The following UHRF2 variants were observed in gnomAD, a reference collection of about 807,000 sequenced individuals.
UHRF2 encodes ubiquitin like with PHD and ring finger domains 2, also known as E3 ubiquitin-protein ligase UHRF2.
In UHRF2, 23 loss-of-function variants were observed where a neutral mutation model predicts 96.8. The ratio of observed to expected loss-of-function variants is 0.24; its 90% CI spans 0.17 to 0.34. The LOEUF (loss-of-function observed/expected upper bound fraction) is 0.34. UHRF2 is among the 10% of genes least tolerant of loss of function. UHRF2 has a pLI of 1.00. For missense variants in UHRF2, 685 were observed against 981.5 expected, an observed-to-expected ratio of 0.70 and a Z score of 4.04; for synonymous variants, 385 against 332.6, an observed-to-expected ratio of 1.16 and a Z score of -1.72.
intron 3 of UHRF2, among the ~76,000 whole-genome samples, chr9:6,437,251 T>C (rs1366473316): frequency 1.3e-5 from 2 of 152,226 alleles, no homozygotes; most frequent in Non-Finnish European, 2.9e-5. Context: ...TATTATTTTT[T>C]AGACAGAGTC....
intron 1 of UHRF2, among the ~76,000 whole-genome samples, chr9:6,420,060 C>CT (rs915008947): frequency 7.0e-4 from 102 of 145,254 alleles, no homozygotes; most frequent in Non-Finnish European, 8.1e-4. Flanking sequence ...CCCCCGCCAC[C>CT]TTTTTTTTTT....
At chr9:6,485,155 T>G (rs1824193159) in intron 8 of UHRF2, among the ~76,000 whole-genome samples, 1 of 152,222 alleles carries the variant, frequency 6.6e-6, no homozygotes, top group Admixed American at 6.5e-5. Context: ...TTCTCTTATC[T>G]TTGCAATAGT....
intron 10 of UHRF2, 24 bp downstream of exon 10, chr9:6,493,956 A>C: frequency 6.3e-7 from 1 of 1,594,400 alleles, no homozygotes; most frequent in Non-Finnish European, 8.6e-7. Flanking sequence ...CACTGTTTAG[A>C]ATTTGAACAT....
intron 3 of UHRF2, among the ~76,000 whole-genome samples, chr9:6,449,892 ACT>A (rs553988594): frequency 4.1e-4 from 63 of 151,904 alleles, no homozygotes; most frequent in African/African-American, 1.5e-3. Flanking sequence ...GCCCTGTGTG[ACT>A]CTACTAGGAG....
chr9:6,492,492 T>C (rs1177650463), intron 9 of UHRF2: 1 of 401,956 alleles, frequency 2.5e-6, no homozygotes, highest in Non-Finnish European at 3.4e-6. Context: ...GACCTTAATA[T>C]TGGATTAACA....
At chr9:6,500,015 C>T in intron 13 of UHRF2, 84 bp downstream of exon 13, 3 of 1,094,184 alleles carry the variant, frequency 2.7e-6, no homozygotes, top group Admixed American at 2.1e-5. Context: ...TCTTGTCACC[C>T]AGGCTGGAGT....
intron 3 of UHRF2, among the ~76,000 whole-genome samples, chr9:6,445,315 G>C (rs953902021): frequency 6.6e-6 from 1 of 152,004 alleles, no homozygotes; most frequent in Non-Finnish European, 1.5e-5. Context: ...CCAGGCTGGA[G>C]TGCAGTGGTA....
rs116586279 is a variant in UHRF2 at position 6,460,281 on chromosome 9, C to T, written c.645-292C>T. Among the ~76,000 whole-genome samples, 1,239 of 152,226 alleles carry T rather than the reference C, an allele frequency of 8.1e-3. 18 individuals carry two copies. Among genetic ancestry groups the T allele is most frequent in the African/African-American group, 0.028 (1,166 of 41,514 alleles). ...AGTAGATGATTGTGGTTCTTGAATG[C>T]GGGCTGAACACTTACTTGCCTGACA... On this transcript the variant is annotated intron_variant, in intron 3 of 15. Coordinates refer to ENST00000276893, the MANE Select transcript of UHRF2 (RefSeq NM_152896.3).
chr9:6,438,236 G>C (rs1461223980), intron 3 of UHRF2, among the ~76,000 whole-genome samples: 4 of 152,200 alleles, frequency 2.6e-5, no homozygotes, highest in African/African-American at 9.7e-5. Flanking sequence ...TGAAGATGGA[G>C]AATGGTCTGC....
chr9:6,454,302 A>G (rs559095194), intron 3 of UHRF2, among the ~76,000 whole-genome samples: 7 of 152,368 alleles, frequency 4.6e-5, no homozygotes, highest in East Asian at 1.9e-4. Flanking sequence ...TGATACAAGG[A>G]TCCAAAACCT....
At chr9:6,418,227 C>G (rs1298485290) in intron 1 of UHRF2, among the ~76,000 whole-genome samples, 1 of 148,608 alleles carries the variant, frequency 6.7e-6, no homozygotes, top group Non-Finnish European at 1.5e-5. Context: ...GGTTTTTTTC[C>G]CTCCACGGGA....
chr9:6,502,079 A>G (rs1287665831), intron 14 of UHRF2, among the ~76,000 whole-genome samples: 1 of 152,224 alleles, frequency 6.6e-6, no homozygotes, highest in Non-Finnish European at 1.5e-5. Context: ...TTCTCTTCAG[A>G]TAAGCCAGGA....
At chr9:6,459,845 T>C (rs1429064284) in intron 3 of UHRF2, among the ~76,000 whole-genome samples, 2 of 152,188 alleles carry the variant, frequency 1.3e-5, no homozygotes, top group African/African-American at 2.4e-5. Context: ...TGGTGGCACG[T>C]GTCTGTAGTA....
At chr9:6,450,179 A>G (rs1470465497) in intron 3 of UHRF2, among the ~76,000 whole-genome samples, 2 of 152,132 alleles carry the variant, frequency 1.3e-5, no homozygotes, top group South Asian at 2.1e-4. Flanking sequence ...CAAATAACCA[A>G]TCAATGTTCA....
At chr9:6,477,846 G>A (rs754171599) in intron 6 of UHRF2, 38 bp downstream of exon 6, 2 of 1,506,686 alleles carry the variant, frequency 1.3e-6, no homozygotes, top group Middle Eastern at 1.8e-4. Flanking sequence ...TGTTCTTGCT[G>A]TGTAAACATG....
intron 9 of UHRF2, among the ~76,000 whole-genome samples, chr9:6,488,095 T>C (rs1824417217): frequency 1.3e-5 from 2 of 149,962 alleles, no homozygotes; most frequent in Non-Finnish European, 3.0e-5. Context: ...ACAGAGAAAT[T>C]AGCTGGGTGT....
rs186899410 is a variant in UHRF2 at position 6,479,368 on chromosome 9, A to G, written c.1160+1560A>G. On this transcript the variant is annotated intron_variant, in intron 6 of 15. Coordinates refer to ENST00000276893, the MANE Select transcript of UHRF2 (RefSeq NM_152896.3). The stretch of plus-strand genomic sequence containing the variant: ...TACTCTGTTTTATAGATTTGAGATC[A>G]GGTAATCCCGATTTTCTACCTACTT... 2.7e-3 allele frequency among the ~76,000 whole-genome samples: 417 copies of G among 152,234 alleles called. 2 individuals carry two copies. The highest frequency in any genetic ancestry group is 8.9e-3 in the African/African-American group (371 of 41,542).
At chr9:6,456,520 G>A (rs192760052) in intron 3 of UHRF2, among the ~76,000 whole-genome samples, 1 of 152,280 alleles carries the variant, frequency 6.6e-6, no homozygotes, top group Admixed American at 6.5e-5. Flanking sequence ...TTGCTGTGCA[G>A]CAGCTCTTTA....
chr9:6,466,572 A>C (rs1166890148), intron 4 of UHRF2, among the ~76,000 whole-genome samples: 1 of 121,892 alleles, frequency 8.2e-6, no homozygotes, highest in Admixed American at 8.6e-5. Flanking sequence ...AAAAAAAAAA[A>C]GCTACAGATG....
Sources: gnomAD v4.1 joint callset for allele counts (sites outside exome capture counted in the v4.1 genomes callset) on GRCh38, gnomAD v4.1.1 for gene constraint, MANE v1.5 for transcripts, NCBI Gene and HGNC (gene_info 2026-07-23, HGNC 2026-07-21) for gene names.